The following CDKN3 variants were observed in gnomAD, a reference collection of about 807,000 sequenced individuals.
CDKN3 encodes the protein cyclin dependent kinase inhibitor 3.
Under a neutral mutation model 36.1 loss-of-function variants are expected in CDKN3, and 19 were observed. The observed-to-expected ratio is 0.53, with a 90% CI of 0.37 to 0.77. The LOEUF (loss-of-function observed/expected upper bound fraction) is 0.77. Ranked by LOEUF, CDKN3 falls within the 30% of genes least tolerant of loss-of-function variation. CDKN3 has a pLI of 0.00. For synonymous variants in CDKN3, 71 were observed against 85.3 expected (o/e 0.83, Z 0.92); for missense variants, 188 against 248.6 (o/e 0.76, Z 1.64).
intron 3 of CDKN3, chr14:54,408,494 A>G: frequency 2.6e-6 from 1 of 379,232 alleles, no homozygotes; most frequent in Non-Finnish European, 4.6e-6. Context: ...CCTGGAGTAC[A>G]AATGAGGCTG....
chr14:54,413,736 C>G, intron 5 of CDKN3: 1 of 1,525,626 alleles, frequency 6.6e-7, no homozygotes, highest in Non-Finnish European at 8.8e-7. Context: ...TTTCACTGAC[C>G]TGTTGTCTAC....
intron 4 of CDKN3, 44 bp from the exon 5 acceptor site, chr14:54,411,440 T>C (rs1378480140): frequency 3.5e-6 from 5 of 1,415,112 alleles, no homozygotes; most frequent in Non-Finnish European, 3.0e-6. Flanking sequence ...AAATGTGTGA[T>C]GTTTTCTATG....
rs773592286 is a variant in CDKN3 at position 54,401,509 on chromosome 14, T to A, written c.93-15T>A. 6.3e-7 allele frequency: 1 copy of A among 1,597,924 alleles called. No homozygotes were observed. The highest frequency in any genetic ancestry group is 1.1e-5 in the South Asian group (1 of 88,906). On this transcript the variant is annotated splice_polypyrimidine_tract_variant and intron_variant, in intron 2 of 7. Transcript: ENST00000335183. ...AAAAACTTAACTAAACATGAAAAAT[T>A]TTTCTTCTTTTCAGGCTATCTTTGT... is the stretch of plus-strand genomic sequence containing the variant.
Position 54,418,402 on chromosome 14 carries a change from A to C in CDKN3, c.552+451A>C, listed in dbSNP as rs2030620238. The C allele has an allele frequency of 1.9e-5, 12 of 632,024 alleles. No homozygotes were observed. In the South Asian group the frequency reaches 2.2e-4, roughly 11 times the overall value. 39.2% of individuals were successfully genotyped at this position (632,024 alleles called of 1,614,324 possible). A position where few individuals can be genotyped will look rare whatever the true frequency, so the allele number is the denominator to read the frequency against. Reference sequence around the variant, plus strand: ...ATAAAGACAGATGAATGACTATAATACAAAAAATGGAAAGCAGTGCTAATT... The same window carrying C: ...ATAAAGACAGATGAATGACTATAATCCAAAAAATGGAAAGCAGTGCTAATT... On this transcript the variant is annotated intron_variant, in intron 7 of 7. Transcript: ENST00000335183.
intron 3 of CDKN3, among the ~76,000 whole-genome samples, chr14:54,403,542 G>C (rs1468308124): frequency 6.6e-6 from 1 of 152,122 alleles, no homozygotes; most frequent in African/African-American, 2.4e-5. Flanking sequence ...TCTTTCTCTT[G>C]CCTGATTCCC....
chr14:54,417,940 C>G lies in CDKN3; in HGVS notation c.541C>G (p.Gln181Glu). The change falls in exon 7 of 8, where the codon CAG (glutamine) becomes GAG (glutamate). Residue 181 changes from glutamine to glutamate, a missense_variant. Transcript: ENST00000335183. ...AGACCTAAGAGGATCCGGGGCAATACAGACCATCAAGGTGAGGAGGTGGGC... is the reference window on the plus strand; with the variant it reads ...AGACCTAAGAGGATCCGGGGCAATAGAGACCATCAAGGTGAGGAGGTGGGC... Reference protein sequence around the residue: ...LRDLRGSGAIQTIKQYNYLHE... With the variant: ...LRDLRGSGAIETIKQYNYLHE... The G allele has an allele frequency of 6.3e-7, 1 of 1,582,148 alleles. No homozygotes were observed. Among genetic ancestry groups the G allele is most frequent in the Non-Finnish European group, 8.6e-7 (1 of 1,161,052 alleles).
intron 7 of CDKN3, 85 bp downstream of exon 7, chr14:54,418,036 T>C (rs1002841264): frequency 1.3e-6 from 1 of 770,282 alleles, no homozygotes; most frequent in African/African-American, 1.7e-5. Context: ...AGGTTACATA[T>C]GAAAATCCAA....
intron 3 of CDKN3, among the ~76,000 whole-genome samples, chr14:54,406,062 G>T (rs1220679351): frequency 6.6e-6 from 1 of 152,226 alleles, no homozygotes; most frequent in Non-Finnish European, 1.5e-5. Flanking sequence ...GCATGTGCTT[G>T]TCTGTAAAGG....
chr14:54,407,606 C>T (rs757623498), intron 3 of CDKN3, among the ~76,000 whole-genome samples: 23 of 152,292 alleles, frequency 1.5e-4, no homozygotes, highest in Non-Finnish European at 2.4e-4. Flanking sequence ...TGGTGGGTTC[C>T]GCACCCAGTT....
chr14:54,399,624 G>A (rs915313638), intron 1 of CDKN3, among the ~76,000 whole-genome samples: 21 of 152,316 alleles, frequency 1.4e-4, no homozygotes, highest in African/African-American at 4.1e-4. Flanking sequence ...TGGCTTGTCA[G>A]AGAGTATACA....
chr14:54,401,389 A>C (rs965583918), intron 2 of CDKN3, 135 bp from the exon 3 acceptor site: 1 of 571,794 alleles, frequency 1.7e-6, no homozygotes, highest in African/African-American at 1.9e-5. Flanking sequence ...TTAACTGTGA[A>C]TTCTTACTTT....
intron 3 of CDKN3, among the ~76,000 whole-genome samples, chr14:54,405,666 GC>G (rs1260781212): frequency 1.3e-5 from 2 of 152,058 alleles, no homozygotes; most frequent in African/African-American, 4.8e-5. Flanking sequence ...TGCAACCCTT[GC>G]TTTTTTTTGC....
intron 3 of CDKN3, among the ~76,000 whole-genome samples, chr14:54,408,208 G>C (rs974745312): frequency 1.3e-5 from 2 of 152,172 alleles, no homozygotes; most frequent in Non-Finnish European, 2.9e-5. Flanking sequence ...CATAGTGGTT[G>C]TACTAGTTTA....
At position 54,419,972 on chromosome 14, in the gene CDKN3, T is replaced by C. The variant is rs374106371; in HGVS notation, c.553-20T>C. The C allele has an allele frequency of 5.4e-5, 79 of 1,455,530 alleles. 1 individual carries two copies. Among genetic ancestry groups the C allele is most frequent in the Non-Finnish European group, 6.8e-5 (70 of 1,036,266 alleles). The allele number at this position is 1,455,530 out of a possible 1,614,324, so 90.2% of individuals were successfully genotyped here. On this transcript the variant is annotated intron_variant, in intron 7 of 7. Coordinates refer to ENST00000335183, the MANE Select transcript of CDKN3 (RefSeq NM_005192.4). ...ACTAGTTTTCTACAGTGTATTCCAA[T>C]GTATCTTTACTTTTTTCAGCAATAC...
At chr14:54,417,976 T>G in intron 7 of CDKN3, 25 bp downstream of exon 7, 1 of 1,333,120 alleles carries the variant, frequency 7.5e-7, no homozygotes, top group Non-Finnish European at 1.1e-6. Flanking sequence ...GGTGCTTGCT[T>G]GGTTGTGGTT....
chr14:54,400,193 TG>T (rs2029891831), intron 2 of CDKN3, among the ~76,000 whole-genome samples: 1 of 151,162 alleles, frequency 6.6e-6, no homozygotes, highest in Admixed American at 6.6e-5. Context: ...TTTTTTTTTT[TG>T]GCCCTTCTTT....
At chr14:54,411,727 A>G (rs1262102181) in intron 5 of CDKN3, 21 bp downstream of exon 5, 1 of 1,381,144 alleles carries the variant, frequency 7.2e-7, no homozygotes, top group Non-Finnish European at 1.0e-6. Context: ...TTCTCCATAC[A>G]CTATGTGAGA....
intron 3 of CDKN3, among the ~76,000 whole-genome samples, chr14:54,406,233 G>C (rs1412129527): frequency 6.6e-6 from 1 of 152,176 alleles, no homozygotes; most frequent in African/African-American, 2.4e-5. Context: ...GCTTCCTTTT[G>C]TGGGTAACCC....
At chr14:54,410,771 A>T (rs2139980287) in intron 4 of CDKN3, among the ~76,000 whole-genome samples, 1 of 152,324 alleles carries the variant, frequency 6.6e-6, no homozygotes, top group South Asian at 2.1e-4. Flanking sequence ...AGAAAAAGAA[A>T]AAAAGTGCTA....
Sources: allele counts gnomAD v4.1 joint callset (sites outside exome capture counted in the v4.1 genomes callset), GRCh38; gene constraint gnomAD v4.1.1; transcripts MANE v1.5; gene names NCBI Gene and HGNC (gene_info 2026-07-23, HGNC 2026-07-21).